KAT6B: variants seen among roughly 807,000 people sequenced by gnomAD.
KAT6B encodes the protein histone acetyltransferase KAT6B.
In KAT6B, 10 loss-of-function variants were observed where a neutral mutation model predicts 187.5. That is an observed-to-expected ratio of 0.05 (90% CI 0.03 to 0.09). The LOEUF is 0.09. KAT6B is among the 10% of genes least tolerant of loss of function. The probability of loss-of-function intolerance (pLI) is 1.00; values close to 1 mark genes in which losing one functional copy is unlikely to be tolerated. For synonymous variants in KAT6B, 861 were observed against 926.8 expected (o/e 0.93, Z 1.29); for missense variants, 1,952 against 2,558.9 (o/e 0.76, Z 5.12).
intron 3 of KAT6B, among the ~76,000 whole-genome samples, chr10:74,918,104 G>A (rs1222301514): frequency 2.6e-5 from 4 of 152,082 alleles, no homozygotes; most frequent in Admixed American, 6.6e-5. Context: ...GATTGTTACT[G>A]TACTTTTGGA....
chr10:75,012,815 A>G (rs946775355), intron 13 of KAT6B, among the ~76,000 whole-genome samples: 5 of 152,192 alleles, frequency 3.3e-5, no homozygotes, highest in Non-Finnish European at 7.3e-5. Context: ...GCTCAGAGAC[A>G]CAGGCACACC....
chr10:74,946,373 G>T (rs1839950424), intron 3 of KAT6B, among the ~76,000 whole-genome samples: 1 of 152,120 alleles, frequency 6.6e-6, no homozygotes, highest in Non-Finnish European at 1.5e-5. Flanking sequence ...CCCATCTAAT[G>T]ACCCAGGTGT....
At chr10:74,982,610 A>G (rs575538587) in intron 11 of KAT6B, 3 of 152,804 alleles carry the variant, frequency 2.0e-5, no homozygotes, top group African/African-American at 7.2e-5. Flanking sequence ...CGTTAAGCTG[A>G]GTCAGTTTCA....
chr10:75,029,397 A>G lies in KAT6B; in HGVS notation c.4573A>G (p.Thr1525Ala), dbSNP rs920418680. ...QDQKNSKEVD[T>A]EFKEGNPATM... ...CCAAAAGAACAGCAAGGAAGTCGATACAGAGTTCAAAGAGGGAAACCCAGC... is the reference window on the plus strand; with the variant it reads ...CCAAAAGAACAGCAAGGAAGTCGATGCAGAGTTCAAAGAGGGAAACCCAGC... The change falls in exon 18 of 18, where the codon ACA becomes GCA. Residue 1525 changes from threonine (T) to alanine (A), a missense_variant. Thr to Ala is a moderately conservative substitution (Grantham distance 58). Transcript: ENST00000287239. The surrounding 1 kb of genome is among the most constrained non-coding windows in gnomAD (Gnocchi z 6.2). The G allele has an allele frequency of 1.9e-6, 3 of 1,614,050 alleles. No homozygotes were observed. Among genetic ancestry groups the G allele is most frequent in the East Asian group, 2.2e-5 (1 of 44,890 alleles).
chr10:74,897,179 C>G (rs897946403), intron 3 of KAT6B, among the ~76,000 whole-genome samples: 7 of 152,028 alleles, frequency 4.6e-5, no homozygotes, highest in South Asian at 4.1e-4. Context: ...TTCAGAGAGC[C>G]CTTTTTGTAA....
At chr10:74,835,390 T>C (rs1420724527) in intron 1 of KAT6B, among the ~76,000 whole-genome samples, 8 of 151,816 alleles carry the variant, frequency 5.3e-5, no homozygotes, top group Non-Finnish European at 1.0e-4. Context: ...AGAGGAACAC[T>C]TCCTTTAAAG....
At chr10:74,928,991 C>T (rs1483387202) in intron 3 of KAT6B, among the ~76,000 whole-genome samples, 1 of 152,130 alleles carries the variant, frequency 6.6e-6, no homozygotes, top group African/African-American at 2.4e-5. Context: ...AGCATTCTCA[C>T]CATGGTCAAG....
chr10:74,940,904 A>C (rs932757427), intron 3 of KAT6B, among the ~76,000 whole-genome samples: 1 of 152,194 alleles, frequency 6.6e-6, no homozygotes. Flanking sequence ...CAGTGTTCTG[A>C]TGATTCAGAG....
At chr10:74,913,421 A>G (rs1802693239) in intron 3 of KAT6B, among the ~76,000 whole-genome samples, 2 of 152,244 alleles carry the variant, frequency 1.3e-5, no homozygotes, top group South Asian at 4.1e-4. Context: ...TATATGTTCT[A>G]TTAAAAGTTA....
At chr10:75,019,383 A>G (rs1178184919) in intron 13 of KAT6B, among the ~76,000 whole-genome samples, 1 of 152,226 alleles carries the variant, frequency 6.6e-6, no homozygotes, top group Non-Finnish European at 1.5e-5. Flanking sequence ...TTTCTGCATT[A>G]CTGTATTTGC....
At chr10:74,870,278 A>G (rs374595890) in intron 3 of KAT6B, among the ~76,000 whole-genome samples, 13 of 152,128 alleles carry the variant, frequency 8.5e-5, no homozygotes, top group African/African-American at 3.1e-4. Context: ...GGGAGACAGA[A>G]CAAGACTCTG....
intron 3 of KAT6B, among the ~76,000 whole-genome samples, chr10:74,865,636 C>G (rs1158221013): frequency 6.6e-6 from 1 of 151,886 alleles, no homozygotes; most frequent in Non-Finnish European, 1.5e-5. Context: ...CTGGCTCAGT[C>G]TCCCAAGTAG....
At chr10:74,957,412 G>A (rs1840770212) in intron 3 of KAT6B, among the ~76,000 whole-genome samples, 1 of 152,198 alleles carries the variant, frequency 6.6e-6, no homozygotes, top group Admixed American at 6.5e-5. Flanking sequence ...TAACATCTAT[G>A]CTTTCTATTA....
chr10:74,895,990 A>G (rs1350576311), intron 3 of KAT6B, among the ~76,000 whole-genome samples: 1 of 151,546 alleles, frequency 6.6e-6, no homozygotes, highest in Admixed American at 6.6e-5. Context: ...TGGGATATGT[A>G]CCTTTCCCTC....
intron 4 of KAT6B, among the ~76,000 whole-genome samples, chr10:74,964,271 A>G (rs1307736510): frequency 6.6e-6 from 1 of 152,194 alleles, no homozygotes; most frequent in Non-Finnish European, 1.5e-5. Context: ...TGTCTGGGTA[A>G]TAGTGACCTC....
intron 15 of KAT6B, 103 bp from the exon 16 acceptor site, chr10:75,021,778 T>G: frequency 8.2e-7 from 1 of 1,216,452 alleles, no homozygotes; most frequent in East Asian, 2.4e-5. Context: ...TGGCTGGCTG[T>G]CCTGATCAGA....
At chr10:74,918,135 T>G (rs924582600) in intron 3 of KAT6B, among the ~76,000 whole-genome samples, 5 of 152,344 alleles carry the variant, frequency 3.3e-5, no homozygotes, top group African/African-American at 1.2e-4. Context: ...GAACAAATAA[T>G]TATGCTTAGC....
At chr10:74,878,508 T>C (rs1253284846) in intron 3 of KAT6B, among the ~76,000 whole-genome samples, 1 of 150,950 alleles carries the variant, frequency 6.6e-6, no homozygotes, top group Non-Finnish European at 1.5e-5. Flanking sequence ...TAATCCCAGC[T>C]ACTCGGGAGG....
chr10:74,881,351 G>A (rs932816982), intron 3 of KAT6B, among the ~76,000 whole-genome samples: 1 of 152,062 alleles, frequency 6.6e-6, no homozygotes, highest in Non-Finnish European at 1.5e-5. Flanking sequence ...CTTTCACCTC[G>A]TCCATAAGGT....
Sources: allele counts gnomAD v4.1 joint callset (sites outside exome capture counted in the v4.1 genomes callset), GRCh38; gene constraint gnomAD v4.1.1; non-coding constraint Gnocchi (gnomAD v3.1); transcripts MANE v1.5; gene names NCBI Gene and HGNC (gene_info 2026-07-23, HGNC 2026-07-21).